The following SYTL5 variants were observed in gnomAD, a reference collection of about 807,000 sequenced individuals.
SYTL5 encodes the protein synaptotagmin like 5.
Under a neutral mutation model 55.9 loss-of-function variants are expected in SYTL5, and 34 were observed. That is an observed-to-expected ratio of 0.61 (90% confidence interval 0.46 to 0.81). The LOEUF is 0.81. SYTL5 is among the 30% of genes least tolerant of loss of function. The pLI is 0.00. For missense variants in SYTL5, 637 were observed against 546.7 expected, an observed-to-expected ratio of 1.17 and a Z score of -1.65; for synonymous variants, 221 against 188.7, an observed-to-expected ratio of 1.17 and a Z score of -1.40.
chrX:38,010,377 TG>T (rs1934137042), intron 1 of SYTL5, among the ~76,000 whole-genome samples: 2 of 111,108 alleles, frequency 1.8e-5, no homozygotes, highest in African/African-American at 3.3e-5. Context: ...ACTGGACACA[TG>T]TACCTAGATG....
At chrX:37,970,177 C>A in the SYTL5 span, among the ~76,000 whole-genome samples, 5 of 111,122 alleles carry the variant, frequency 4.5e-5, no homozygotes. Context: ...CTGAATTATA[C>A]AACCCCTTTA....
intron 1 of SYTL5, among the ~76,000 whole-genome samples, chrX:38,007,082 A>G (rs1934015927): frequency 1.8e-5 from 2 of 111,542 alleles, no homozygotes; most frequent in African/African-American, 3.2e-5. Flanking sequence ...TCACATCTCT[A>G]TATAACATAG....
At chrX:37,988,123 T>C in the SYTL5 span, among the ~76,000 whole-genome samples, 2 of 111,782 alleles carry the variant, frequency 1.8e-5, no homozygotes, top group Non-Finnish European at 3.8e-5. Context: ...CTAAGGTCAA[T>C]CACACAAGTT....
At chrX:38,103,886 A>G (rs977597809) in intron 10 of SYTL5, among the ~76,000 whole-genome samples, 1 of 111,958 alleles carries the variant, frequency 8.9e-6, no homozygotes, top group South Asian at 3.8e-4. Flanking sequence ...TAAGCAGTGT[A>G]TCCTAACAAC....
chrX:37,969,099 T>G, the SYTL5 span, among the ~76,000 whole-genome samples: 10 of 111,840 alleles, frequency 8.9e-5, no homozygotes, highest in Non-Finnish European at 1.5e-4. Flanking sequence ...ATAAGTTCCT[T>G]TATTATAAAG....
At chrX:38,071,768 C>G (rs984298680) in intron 3 of SYTL5, among the ~76,000 whole-genome samples, 7 of 111,808 alleles carry the variant, frequency 6.3e-5, no homozygotes, top group African/African-American at 1.3e-4. Flanking sequence ...TTTTATTGCT[C>G]TAAGTCCCAA....
At chrX:37,956,770 G>A in the SYTL5 span, among the ~76,000 whole-genome samples, 2 of 111,464 alleles carry the variant, frequency 1.8e-5, no homozygotes, top group African/African-American at 3.3e-5. Flanking sequence ...ATATGCCTTC[G>A]GGATCCATAT....
At chrX:37,926,323 GT>G in the SYTL5 span, among the ~76,000 whole-genome samples, 1 of 109,703 alleles carries the variant, frequency 9.1e-6, no homozygotes, top group South Asian at 3.8e-4. Context: ...CAATACGATT[GT>G]TTTTTGATAT....
the SYTL5 span, among the ~76,000 whole-genome samples, chrX:37,985,973 T>C: frequency 9.0e-6 from 1 of 110,909 alleles, no homozygotes; most frequent in African/African-American, 3.3e-5. Flanking sequence ...AAGAAAGAAA[T>C]TGGACCCTTA....
At chrX:37,893,263 C>T in the SYTL5 span, among the ~76,000 whole-genome samples, 4 of 75,573 alleles carry the variant, frequency 5.3e-5, no homozygotes, top group African/African-American at 2.4e-4. Flanking sequence ...TATAACATAC[C>T]ACAATCTATA....
intron 1 of SYTL5, among the ~76,000 whole-genome samples, chrX:38,023,499 C>T (rs1317633657): frequency 8.9e-6 from 1 of 111,773 alleles, no homozygotes; most frequent in Non-Finnish European, 1.9e-5. Flanking sequence ...TATCCTGTGC[C>T]TTTTATTATG....
chrX:37,946,543 G>C, the SYTL5 span: 9 of 185,392 alleles, frequency 4.9e-5, no homozygotes, highest in Non-Finnish European at 7.2e-5. Context: ...TTGGACATGG[G>C]TGACAATTTA....
intron 3 of SYTL5, among the ~76,000 whole-genome samples, chrX:38,066,267 T>A (rs1936098759): frequency 9.0e-6 from 1 of 111,673 alleles, no homozygotes; most frequent in Admixed American, 9.5e-5. Context: ...AATCTTTTGG[T>A]CATTATTCTT....
At position 38,098,473 on chromosome X, in the gene SYTL5, T is replaced by A. The variant is rs754116637; in HGVS notation, c.1062+2239T>A. On this transcript the variant is annotated intron_variant, in intron 9 of 16. Coordinates refer to ENST00000297875, the MANE Select transcript of SYTL5 (RefSeq NM_138780.3). ...TCAGCAACATTAGTTATCAGAGAAATGAAAATTAAAATCACAATGAGATAC... is the reference window on the plus strand; with the variant it reads ...TCAGCAACATTAGTTATCAGAGAAAAGAAAATTAAAATCACAATGAGATAC... 6.2e-4 allele frequency among the ~76,000 whole-genome samples: 69 copies of A among 110,569 alleles called. 1 individual carries two copies. The highest frequency in any genetic ancestry group is 3.6e-3 in the Admixed American group (38 of 10,430).
chrX:37,943,968 T>C, the SYTL5 span, among the ~76,000 whole-genome samples: 2 of 111,214 alleles, frequency 1.8e-5, no homozygotes, highest in Non-Finnish European at 3.8e-5. Context: ...GGCAGAGTTC[T>C]GAACACACTA....
the SYTL5 span, among the ~76,000 whole-genome samples, chrX:37,999,738 T>C: frequency 8.9e-6 from 1 of 111,966 alleles, no homozygotes. Context: ...ACTATGCTCT[T>C]TTCCTAAGAA....
At chrX:37,960,156 G>C in the SYTL5 span, among the ~76,000 whole-genome samples, 53 of 111,391 alleles carry the variant, frequency 4.8e-4, 1 homozygote, top group Non-Finnish European at 1.1e-4. Flanking sequence ...GGGAGGGGAA[G>C]ACTCGAAGAT....
the SYTL5 span, chrX:37,991,058 C>T: frequency 8.3e-7 from 1 of 1,211,390 alleles, no homozygotes; most frequent in Non-Finnish European, 1.1e-6. Context: ...TGGAGGCCAG[C>T]AACAATGGCA....
chrX:38,010,819 A>G (rs1934152595), intron 1 of SYTL5, among the ~76,000 whole-genome samples: 1 of 111,956 alleles, frequency 8.9e-6, no homozygotes, highest in Non-Finnish European at 1.9e-5. Flanking sequence ...TCATGTCAGA[A>G]AGAAAAATAA....
Sources: allele counts gnomAD v4.1 joint callset (sites outside exome capture counted in the v4.1 genomes callset), GRCh38; gene constraint gnomAD v4.1.1; transcripts MANE v1.5; gene names NCBI Gene and HGNC (gene_info 2026-07-23, HGNC 2026-07-21).